Variants in NAV3 observed in about 807,000 individuals in gnomAD.
The protein encoded by NAV3 is neuron navigator 3.
A neutral mutation model predicts 244.7 loss-of-function variants in NAV3; 87 were observed. The ratio of observed to expected loss-of-function variants is 0.36; its 90% CI spans 0.30 to 0.42. The LOEUF is 0.42. Among genes scored for constraint, NAV3 ranks in the 20% least tolerant of loss-of-function variants. NAV3 has a pLI of 1.00. For missense variants in NAV3, 2,663 were observed against 2,893.3 expected (o/e 0.92, Z 1.83); for synonymous variants, 1,126 against 1,042.2 (o/e 1.08, Z -1.55).
At chr12:77,983,331 C>A (rs115409420) in intron 5 of NAV3, among the ~76,000 whole-genome samples, 69 of 152,214 alleles carry the variant, frequency 4.5e-4, no homozygotes, top group African/African-American at 1.5e-3. Flanking sequence ...TGGACTGGAA[C>A]AATGAATTTG....
intron 2 of NAV3, among the ~76,000 whole-genome samples, chr12:77,818,633 T>C (rs933414705): frequency 6.6e-6 from 1 of 152,084 alleles, no homozygotes; most frequent in Non-Finnish European, 1.5e-5. Flanking sequence ...TAGGGAAGTC[T>C]GGAGGAAATC....
At chr12:77,816,704 C>CT (rs1479651258) in intron 2 of NAV3, among the ~76,000 whole-genome samples, 1 of 152,236 alleles carries the variant, frequency 6.6e-6, no homozygotes, top group African/African-American at 2.4e-5. Flanking sequence ...CATGTTTACT[C>CT]TTTTTTATCA....
At chr12:78,170,730 A>G (rs1957967105) in intron 24 of NAV3, among the ~76,000 whole-genome samples, 1 of 151,748 alleles carries the variant, frequency 6.6e-6, no homozygotes, top group Non-Finnish European at 1.5e-5. Flanking sequence ...ATTATTCATA[A>G]GTTCTTTATG....
intron 2 of NAV3, among the ~76,000 whole-genome samples, chr12:77,729,074 T>C (rs1877011454): frequency 6.6e-6 from 1 of 152,062 alleles, no homozygotes; most frequent in African/African-American, 2.4e-5. Flanking sequence ...ACATGCAAAA[T>C]ATATGTTAAT....
chr12:77,971,975 A>G (rs1893034892), intron 5 of NAV3, among the ~76,000 whole-genome samples: 1 of 152,182 alleles, frequency 6.6e-6, no homozygotes, highest in African/African-American at 2.4e-5. Flanking sequence ...AAAACTCCAG[A>G]TGTTTTTCCT....
intron 11 of NAV3, among the ~76,000 whole-genome samples, chr12:78,053,235 T>C (rs1046620007): frequency 6.7e-6 from 1 of 148,930 alleles, no homozygotes; most frequent in African/African-American, 2.5e-5. Context: ...ATATATATAA[T>C]ATATATATGT....
chr12:77,599,399 C>T (rs1430495396), intron 2 of NAV3, among the ~76,000 whole-genome samples: 2 of 151,794 alleles, frequency 1.3e-5, no homozygotes, highest in African/African-American at 4.8e-5. Flanking sequence ...GGAATATAAC[C>T]ATAAAAATTA....
chr12:77,720,063 C>G (rs893164478), intron 2 of NAV3, among the ~76,000 whole-genome samples: 5 of 152,010 alleles, frequency 3.3e-5, no homozygotes, highest in Non-Finnish European at 5.9e-5. Flanking sequence ...TCCATTTCTC[C>G]TAGGTTATCC....
intron 1 of NAV3, among the ~76,000 whole-genome samples, chr12:77,877,755 C>T (rs35245787): frequency 0.14 from 21,778 of 151,940 alleles, 1,800 homozygotes; most frequent in Middle Eastern, 0.21. Flanking sequence ...GACTGTCTTC[C>T]GAAGCGTGCA....
chr12:78,035,604 T>G (rs534991853), intron 9 of NAV3, among the ~76,000 whole-genome samples: 1 of 152,202 alleles, frequency 6.6e-6, no homozygotes, highest in Non-Finnish European at 1.5e-5. Context: ...AAAGACACAA[T>G]GTGCATTTTG....
At chr12:77,903,940 A>G (rs992439660) in intron 1 of NAV3, among the ~76,000 whole-genome samples, 2 of 152,184 alleles carry the variant, frequency 1.3e-5, no homozygotes, top group Non-Finnish European at 2.9e-5. Context: ...CAAAACCACA[A>G]TGAGATACCA....
intron 2 of NAV3, chr12:77,783,186 C>A (rs987333170): frequency 4.6e-5 from 7 of 151,584 alleles, no homozygotes; most frequent in Admixed American, 4.0e-4. Context: ...ATTCCAGTTG[C>A]TGTTTGATGT....
chr12:78,210,028 G>A (rs929727623), intron 39 of NAV3, among the ~76,000 whole-genome samples: 2 of 152,130 alleles, frequency 1.3e-5, no homozygotes, highest in Non-Finnish European at 2.9e-5. Flanking sequence ...ACTTTCAGTT[G>A]CCATTCAATG....
chr12:77,947,859 A>C (rs917427405), intron 3 of NAV3, among the ~76,000 whole-genome samples: 2 of 152,086 alleles, frequency 1.3e-5, no homozygotes, highest in Non-Finnish European at 2.9e-5. Context: ...TCCACACACT[A>C]GTCAAGTTCA....
At chr12:77,608,061 T>G (rs1781459351) in intron 2 of NAV3, among the ~76,000 whole-genome samples, 1 of 152,070 alleles carries the variant, frequency 6.6e-6, no homozygotes, top group African/African-American at 2.4e-5. Flanking sequence ...CAATAAGAAA[T>G]GAGACTTGAA....
chr12:77,834,036 T>C (rs1219676096), intron 1 of NAV3, among the ~76,000 whole-genome samples: 4 of 152,246 alleles, frequency 2.6e-5, no homozygotes, highest in Non-Finnish European at 5.9e-5. Flanking sequence ...TGTGTTCCTC[T>C]CGATGTCCAG....
At chr12:78,094,898 T>C (rs1210976400) in intron 12 of NAV3, among the ~76,000 whole-genome samples, 1 of 151,502 alleles carries the variant, frequency 6.6e-6, no homozygotes, top group Non-Finnish European at 1.5e-5. Context: ...AATACAAAAA[T>C]TAGCTAGGTG....
At chr12:78,031,802 G>T (rs11830740) in intron 9 of NAV3, among the ~76,000 whole-genome samples, 5,636 of 150,928 alleles carry the variant, frequency 0.037, 333 homozygotes, top group African/African-American at 0.13. Flanking sequence ...GAGTTAGTGG[G>T]TGCAGCGCAC....
intron 2 of NAV3, among the ~76,000 whole-genome samples, chr12:77,717,373 A>G (rs889198982): frequency 6.6e-6 from 1 of 152,000 alleles, no homozygotes. Context: ...ATCATGCAGT[A>G]TTTGTCCTTA....
Sources: gnomAD v4.1 joint callset for allele counts (sites outside exome capture counted in the v4.1 genomes callset) on GRCh38, gnomAD v4.1.1 for gene constraint, MANE v1.5 for transcripts, NCBI Gene and HGNC (gene_info 2026-07-23, HGNC 2026-07-21) for gene names.